FBXW11: variants seen among roughly 807,000 people sequenced by gnomAD.
FBXW11 encodes F-box/WD repeat-containing protein 11.
Under a neutral mutation model 77.6 loss-of-function variants are expected in FBXW11, and 19 were observed. That is an observed-to-expected ratio of 0.24 (90% CI 0.17 to 0.36). FBXW11 has a LOEUF of 0.36. FBXW11 is among the 10% of genes least tolerant of loss of function. FBXW11 has a pLI of 1.00. For synonymous variants in FBXW11, 235 were observed against 249.4 expected, an observed-to-expected ratio of 0.94 and a Z score of 0.54; for missense variants, 334 against 704.2, an observed-to-expected ratio of 0.47 and a Z score of 5.95.
chr5:171,945,283 C>T (rs1410506168), intron 2 of FBXW11, among the ~76,000 whole-genome samples: 1 of 152,124 alleles, frequency 6.6e-6, no homozygotes, highest in Non-Finnish European at 1.5e-5. Flanking sequence ...ATTCCTATTG[C>T]GTAATTGACC....
chr5:171,899,129 G>A (rs749448355), intron 5 of FBXW11, 35 bp from the exon 6 acceptor site: 1 of 1,416,536 alleles, frequency 7.1e-7, no homozygotes, highest in African/African-American at 1.4e-5. Context: ...TTACATTTTT[G>A]CACATAAAAG....
chr5:171,972,072 A>C (rs2113426123), intron 1 of FBXW11, among the ~76,000 whole-genome samples: 1 of 147,266 alleles, frequency 6.8e-6, no homozygotes, highest in South Asian at 2.2e-4. Context: ...TCTCTACAAA[A>C]GATACAAAAA....
intron 13 of FBXW11, among the ~76,000 whole-genome samples, chr5:171,865,294 A>G (rs1757318209): frequency 6.6e-6 from 1 of 152,100 alleles, no homozygotes; most frequent in African/African-American, 2.4e-5. Context: ...AAAAAAAAAA[A>G]AAAAGTCTTC....
intron 2 of FBXW11, 142 bp downstream of exon 2, chr5:171,957,455 G>C: frequency 1.3e-6 from 1 of 797,080 alleles, no homozygotes; most frequent in Non-Finnish European, 2.1e-6. Context: ...CCTCCATGTG[G>C]GGCACCCAGG....
At chr5:171,950,122 G>A (rs1763228007) in intron 2 of FBXW11, among the ~76,000 whole-genome samples, 1 of 152,184 alleles carries the variant, frequency 6.6e-6, no homozygotes, top group Middle Eastern at 3.4e-3. Context: ...AATGATGATA[G>A]AAAATCTTAA....
At chr5:171,870,503 G>A (rs555044345) in intron 11 of FBXW11, among the ~76,000 whole-genome samples, 2 of 152,114 alleles carry the variant, frequency 1.3e-5, no homozygotes, top group African/African-American at 2.4e-5. Context: ...AGTTGACAGC[G>A]ATGATTCAAA....
chr5:171,878,150 A>C (rs755533455), intron 7 of FBXW11, 21 bp from the exon 8 acceptor site: 1 of 1,511,652 alleles, frequency 6.6e-7, no homozygotes, highest in Middle Eastern at 1.7e-4. Flanking sequence ...AAGATTAGCC[A>C]CAAACGATGA....
chr5:171,868,576 C>T, intron 13 of FBXW11, 34 bp downstream of exon 13: 1 of 1,532,256 alleles, frequency 6.5e-7, no homozygotes, highest in African/African-American at 1.4e-5. Context: ...TGAATTCAAT[C>T]AGCAAAATTG....
In FBXW11 at chr5:171,898,984, C is replaced by G. The variant is rs771292704; in HGVS notation, c.714+20G>C. On this transcript the variant is annotated intron_variant, in intron 6 of 13. Coordinates refer to ENST00000517395, the MANE Select transcript of FBXW11 (RefSeq NM_001378974.1). ...AACAAGAAACAAAGAGCCCATAAAA[C>G]AGATAAATCATAAAGTTACCTCTAT... 3.6e-5 allele frequency: 53 copies of G among 1,476,838 alleles called. No homozygotes were observed. The highest frequency in any genetic ancestry group is 4.6e-5 in the Non-Finnish European group (50 of 1,081,912). The allele number at this position is 1,476,838 out of a possible 1,614,324, so 91.5% of individuals were successfully genotyped here.
At chr5:171,962,795 T>G (rs1763977275) in intron 1 of FBXW11, among the ~76,000 whole-genome samples, 1 of 152,182 alleles carries the variant, frequency 6.6e-6, no homozygotes. Flanking sequence ...AAAGCTAACT[T>G]CGGTCTGTTT....
In FBXW11 at chr5:171,910,573, T is replaced by C. The variant is rs1018771995; in HGVS notation, c.435A>G (p.Pro145=). 6 of 1,610,414 alleles carry C rather than the reference T, an allele frequency of 3.7e-6. No homozygotes were observed. Among genetic ancestry groups the C allele is most frequent in the Non-Finnish European group, 5.1e-6 (6 of 1,177,648 alleles). Residue 145 remains proline, a splice_region_variant and synonymous_variant, in exon 4 of 14, where the codon CCA becomes CCG. Coordinates refer to ENST00000517395, the MANE Select transcript of FBXW11 (RefSeq NM_001378974.1). ...MLQRDFITAL[P]EQGLDHIAEN... is the part of the protein sequence containing the mutation. ...TTTTGAAAAGACAAGTACAGTTACC[T>C]GGTAAAGCGGTAATAAAGTCCCGCT...
At chr5:171,923,258 C>A (rs1367552791) in intron 2 of FBXW11, among the ~76,000 whole-genome samples, 1 of 152,134 alleles carries the variant, frequency 6.6e-6, no homozygotes, top group South Asian at 2.1e-4. Flanking sequence ...CTTTTTCTTA[C>A]TGATTTCTAG....
At chr5:171,972,840 T>C (rs1764612796) in intron 1 of FBXW11, among the ~76,000 whole-genome samples, 1 of 152,194 alleles carries the variant, frequency 6.6e-6, no homozygotes, top group South Asian at 2.1e-4. Context: ...CCACCGTGCC[T>C]GGCCAGGACT....
intron 8 of FBXW11, 33 bp downstream of exon 8, chr5:171,877,978 A>G (rs1391993032): frequency 6.7e-6 from 10 of 1,501,648 alleles, no homozygotes; most frequent in South Asian, 1.2e-5. Context: ...GGGAAGGCTT[A>G]CAAGTTAAGA....
chr5:171,909,953 T>C (rs1211792165), intron 4 of FBXW11, among the ~76,000 whole-genome samples: 2 of 151,828 alleles, frequency 1.3e-5, no homozygotes, highest in African/African-American at 4.8e-5. Context: ...TTTTTTAAAA[T>C]TACATACAAA....
chr5:171,885,394 C>T (rs1028378874), intron 7 of FBXW11, among the ~76,000 whole-genome samples: 2 of 152,130 alleles, frequency 1.3e-5, no homozygotes, highest in Admixed American at 6.5e-5. Context: ...AGCAATTTTT[C>T]AATTACGGTT....
chr5:171,966,857 C>A (rs778484055), intron 1 of FBXW11, among the ~76,000 whole-genome samples: 2 of 152,124 alleles, frequency 1.3e-5, no homozygotes, highest in Non-Finnish European at 2.9e-5. Context: ...AAAGTGAGTA[C>A]CCTATGGCTA....
intron 6 of FBXW11, among the ~76,000 whole-genome samples, chr5:171,894,645 G>A (rs1362551786): frequency 6.7e-6 from 1 of 149,954 alleles, no homozygotes; most frequent in Non-Finnish European, 1.5e-5. Context: ...CCCCCATGAT[G>A]TCTGACAACC....
chr5:171,998,336 C>CTTTTTTTTTTTTTTTTTTTTTT lies in FBXW11; in HGVS notation c.45+8121_45+8122insAAAAAAAAAAAAAAAAAAAAAA, dbSNP rs778327855. The stretch of plus-strand genomic sequence containing the variant: ...ACAGCCCATGATATTTTTTTCTTGT[C>CTTTTTTTTTTTTTTTTTTTTTT]TTTTTTTTTTTTTTTTTAAGTAGAG... On this transcript the variant is annotated intron_variant, in intron 1 of 13. Coordinates refer to ENST00000517395, the MANE Select transcript of FBXW11 (RefSeq NM_001378974.1). Among the ~76,000 whole-genome samples, 58 of 114,814 alleles carry CTTTTTTTTTTTTTTTTTTTTTT rather than the reference C, an allele frequency of 5.1e-4. 10 individuals carry two copies. Among genetic ancestry groups the CTTTTTTTTTTTTTTTTTTTTTT allele is most frequent in the African/African-American group, 2.3e-3 (55 of 24,016 alleles). The allele number at this position is 114,814 out of a possible 152,430, so 75.3% of individuals were successfully genotyped here.
Sources: gnomAD v4.1 joint callset for allele counts (sites outside exome capture counted in the v4.1 genomes callset) on GRCh38, gnomAD v4.1.1 for gene constraint, MANE v1.5 for transcripts, NCBI Gene and HGNC (gene_info 2026-07-23, HGNC 2026-07-21) for gene names.